Variants in PRKN observed in about 807,000 individuals in gnomAD.
The protein encoded by PRKN is parkin RBR E3 ubiquitin protein ligase, also known as E3 ubiquitin-protein ligase parkin.
Under a neutral mutation model 59.5 loss-of-function variants are expected in PRKN, and 56 were observed. The observed-to-expected ratio is 0.94, with a 90% CI of 0.76 to 1.18. The LOEUF is 1.18. Among genes scored for constraint, PRKN ranks in the 50% most tolerant of loss-of-function variants. The pLI is 0.00. For synonymous variants in PRKN, 250 were observed against 222.1 expected, an observed-to-expected ratio of 1.13 and a Z score of -1.12; for missense variants, 657 against 596.4, an observed-to-expected ratio of 1.10 and a Z score of -1.06.
In PRKN at chr6:161,359,619, G is replaced by A. The variant is rs1229400404; in HGVS notation, c.1285+469C>T. On this transcript the variant is annotated intron_variant, in intron 11 of 11. Transcript: ENST00000366898. The surrounding 1 kb of genome is among the most constrained non-coding windows in gnomAD (Gnocchi z 5.4). Reference sequence around the variant, plus strand: ...CCCCACTGGTACTGTGAGTCATCAGGGGCAGGCCACAGGGATCTTTAAATA... The same window carrying A: ...CCCCACTGGTACTGTGAGTCATCAGAGGCAGGCCACAGGGATCTTTAAATA... 6.6e-6 allele frequency among the ~76,000 whole-genome samples: 1 copy of A among 152,182 alleles called. No individual in the cohort carries two copies. The highest frequency in any genetic ancestry group is 1.5e-5 in the Non-Finnish European group (1 of 68,034).
intron 7 of PRKN, among the ~76,000 whole-genome samples, chr6:161,611,895 A>G (rs1392722678): frequency 1.3e-5 from 2 of 152,252 alleles, no homozygotes; most frequent in East Asian, 3.8e-4. Context: ...AAGGACATTT[A>G]AAATGCTACT....
intron 3 of PRKN, among the ~76,000 whole-genome samples, chr6:162,239,911 CCAGATGTTGG>C (rs1778913693): frequency 6.6e-6 from 1 of 152,114 alleles, no homozygotes; most frequent in Non-Finnish European, 1.5e-5. Context: ...CCCAGGCCTC[CCAGATGTTGG>C]CTTCAGTCTG....
At chr6:161,614,963 C>CAGAGAGAG (rs71694349) in intron 7 of PRKN, among the ~76,000 whole-genome samples, 43 of 147,338 alleles carry the variant, frequency 2.9e-4, no homozygotes, top group African/African-American at 9.7e-4. Context: ...GAGAGGAAGA[C>CAGAGAGAG]AGAGAGAGAG....
At chr6:161,834,284 A>G (rs776118906) in intron 6 of PRKN, among the ~76,000 whole-genome samples, 3 of 152,076 alleles carry the variant, frequency 2.0e-5, no homozygotes, top group Non-Finnish European at 4.4e-5. Flanking sequence ...CCCTCCAGAA[A>G]GGCAGTGGGG....
chr6:161,806,245 C>T (rs528324470), intron 6 of PRKN, among the ~76,000 whole-genome samples: 1 of 152,158 alleles, frequency 6.6e-6, no homozygotes, highest in Non-Finnish European at 1.5e-5. Context: ...GCAGCCTGCC[C>T]ATCTGCAGCA....
intron 6 of PRKN, among the ~76,000 whole-genome samples, chr6:161,877,461 A>ATTTTT (rs35664661): frequency 3.7e-4 from 52 of 141,336 alleles, no homozygotes; most frequent in African/African-American, 1.1e-3. Context: ...ACATATTTGC[A>ATTTTT]TTTTTTTTTT....
chr6:161,439,576 C>G (rs1789095340), intron 9 of PRKN, among the ~76,000 whole-genome samples: 1 of 152,156 alleles, frequency 6.6e-6, no homozygotes, highest in African/African-American at 2.4e-5. Flanking sequence ...AAGAGAGATA[C>G]CACCAGAAGT....
chr6:162,503,743 A>T (rs1793482332), intron 1 of PRKN, among the ~76,000 whole-genome samples: 1 of 152,200 alleles, frequency 6.6e-6, no homozygotes. Flanking sequence ...GAATGTTGAT[A>T]CAGCTGAACT....
intron 6 of PRKN, among the ~76,000 whole-genome samples, chr6:161,845,575 G>T (rs1168561714): frequency 2.0e-5 from 3 of 152,086 alleles, no homozygotes; most frequent in African/African-American, 7.2e-5. Flanking sequence ...CCCAATTTTT[G>T]CATAGCCAGG....
intron 6 of PRKN, among the ~76,000 whole-genome samples, chr6:161,827,361 G>A (rs553355969): frequency 1.3e-5 from 2 of 152,132 alleles, no homozygotes; most frequent in East Asian, 1.9e-4. Flanking sequence ...TGAAAGATGG[G>A]TTTTTAGAAT....
Position 162,168,556 on chromosome 6 carries a change from C to CAAAA in PRKN, c.534+32571_534+32574dup, listed in dbSNP as rs771060815. On this transcript the variant is annotated intron_variant, in intron 4 of 11. Transcript: ENST00000366898. ...TCATCCATCATTCTAATCTGTTTTA[C>CAAAA]AAAAAAAAAAAAAAAAAAAAAAAAA... is the stretch of plus-strand genomic sequence containing the variant. Among the ~76,000 whole-genome samples, 23 of 47,302 alleles carry CAAAA rather than the reference C, an allele frequency of 4.9e-4. 2 individuals are homozygous for CAAAA. Among genetic ancestry groups the CAAAA allele is most frequent in the African/African-American group, 1.5e-3 (20 of 13,066 alleles). The allele number at this position is 47,302 out of a possible 152,430, so 31.0% of individuals were successfully genotyped here.
chr6:161,431,025 G>A (rs1427943053), intron 9 of PRKN, among the ~76,000 whole-genome samples: 1 of 151,212 alleles, frequency 6.6e-6, no homozygotes, highest in Non-Finnish European at 1.5e-5. Context: ...TGTAAGCCCA[G>A]CTACTCAGGA....
chr6:161,493,470 C>T (rs1044853955), intron 9 of PRKN, among the ~76,000 whole-genome samples: 2 of 152,110 alleles, frequency 1.3e-5, no homozygotes, highest in African/African-American at 4.8e-5. Flanking sequence ...TGTTCTTTAC[C>T]ATCACACTCT....
At chr6:162,228,637 G>T (rs9347602) in intron 3 of PRKN, among the ~76,000 whole-genome samples, 63,482 of 152,006 alleles carry the variant, frequency 0.42, 15,155 homozygotes, top group East Asian at 0.78. Flanking sequence ...TATGTGAGCT[G>T]ATTGAAGTTA....
intron 4 of PRKN, among the ~76,000 whole-genome samples, chr6:162,059,288 G>A (rs1293587346): frequency 6.6e-6 from 1 of 151,166 alleles, no homozygotes; most frequent in African/African-American, 2.4e-5. Flanking sequence ...TAGTAAAACT[G>A]AATGGAATTC....
At position 161,444,970 on chromosome 6, in the gene PRKN, A is replaced by C. The variant is rs1354888705; in HGVS notation, c.1084-58093T>G. ...TTTATCCTTAGCATGGTCTTTTCTA[A>C]AAAGGGCATTTGGCACAATATCTTT... On this transcript the variant is annotated intron_variant, in intron 9 of 11. Coordinates refer to ENST00000366898, the MANE Select transcript of PRKN (RefSeq NM_004562.3). The surrounding 1 kb of genome is among the most constrained non-coding windows in gnomAD (Gnocchi z 5.6). 6.6e-6 allele frequency among the ~76,000 whole-genome samples: 1 copy of C among 152,122 alleles called. No homozygotes were observed. The highest frequency in any genetic ancestry group is 1.9e-4 in the East Asian group (1 of 5,196).
At chr6:162,232,994 G>C (rs1030672831) in intron 3 of PRKN, among the ~76,000 whole-genome samples, 1 of 152,064 alleles carries the variant, frequency 6.6e-6, no homozygotes, top group Non-Finnish European at 1.5e-5. Context: ...ATAAAAGTGT[G>C]TTTATTTATT....
intron 5 of PRKN, among the ~76,000 whole-genome samples, chr6:162,010,574 ATGTAT>A (rs1437576400): frequency 4.5e-3 from 26 of 5,770 alleles, no homozygotes; most frequent in Admixed American, 5.0e-3. Context: ...ATATTATATA[ATGTAT>A]TATATTATAT....
In PRKN at chr6:161,562,460, C is replaced by T. The variant is rs2115462490; in HGVS notation, c.933+6895G>A. On this transcript the variant is annotated intron_variant, in intron 8 of 11. Transcript: ENST00000366898. This position sits in a 1 kb window ranked among gnomAD's most constrained non-coding sequence, Gnocchi z 4.3. ...CTTACGGTTCATCCAATCACGGTCT[C>T]TCCTTTCTTGGCTTCTTCTGAGAAT... Among the ~76,000 whole-genome samples, 1 of 152,326 alleles carries T rather than the reference C, an allele frequency of 6.6e-6. No individual in the cohort carries two copies. The highest frequency in any genetic ancestry group is 2.1e-4 in the South Asian group (1 of 4,830).
Sources: gnomAD v4.1 joint callset for allele counts (sites outside exome capture counted in the v4.1 genomes callset) on GRCh38, gnomAD v4.1.1 for gene constraint, Gnocchi (gnomAD v3.1) non-coding constraint, MANE v1.5 for transcripts, NCBI Gene and HGNC (gene_info 2026-07-23, HGNC 2026-07-21) for gene names.